The following PMM2 variants were observed in gnomAD, a reference collection of about 807,000 sequenced individuals.
PMM2 encodes mannose-6-phosphate isomerase.
In PMM2, 35 loss-of-function variants were observed where a neutral mutation model predicts 33.2. The ratio of observed to expected loss-of-function variants is 1.06; its 90% confidence interval spans 0.81 to 1.40. PMM2 has a LOEUF of 1.40. PMM2 is among the 40% of genes most tolerant of loss of function. The probability of loss-of-function intolerance (pLI) is 0.00; values close to 1 mark genes in which losing one functional copy is unlikely to be tolerated. For missense variants in PMM2, 386 were observed against 306.0 expected (o/e 1.26, Z -1.95); for synonymous variants, 153 against 114.7 (o/e 1.33, Z -2.13).
At position 8,797,847 on chromosome 16, in the gene PMM2, A is replaced by G. The variant is rs1486423074; in HGVS notation, c.-36A>G. The stretch of plus-strand genomic sequence containing the variant: ...AGTTCCGGGCCGAGTTCCTCGTGCC[A>G]ACGTGTCTTGTAAGGTGCGGCTAGA... On this transcript the variant is annotated 5_prime_UTR_variant, in exon 1 of 8. Transcript: ENST00000268261. 2 of 1,605,706 alleles carry G rather than the reference A, an allele frequency of 1.2e-6. No homozygotes were observed. The highest frequency in any genetic ancestry group is 1.7e-6 in the Non-Finnish European group (2 of 1,176,306).
At chr16:8,843,009 G>GC (rs1273526946) in intron 7 of PMM2, among the ~76,000 whole-genome samples, 20 of 152,150 alleles carry the variant, frequency 1.3e-4, no homozygotes, top group Non-Finnish European at 2.9e-5. Context: ...ATGAGATGCG[G>GC]CTGTAGTCCA....
chr16:8,836,092 C>G (rs1476910318), intron 7 of PMM2, among the ~76,000 whole-genome samples: 1 of 151,514 alleles, frequency 6.6e-6, no homozygotes, highest in Non-Finnish European at 1.5e-5. Context: ...GGTTTAGAAG[C>G]CTGGCCGTCA....
rs1255464127 is a variant in PMM2, at chr16:8,847,717, T to C, written c.640-7T>C. On this transcript the variant is annotated splice_region_variant and splice_polypyrimidine_tract_variant and intron_variant, in intron 7 of 7. Coordinates refer to ENST00000268261, the MANE Select transcript of PMM2 (RefSeq NM_000303.3). ...GGAGCCTTCATCTGTACTTCGTGTC[T>C]TTCCAGGGTGGCAATGACCATGAGA... 7 of 1,608,888 alleles carry C rather than the reference T, an allele frequency of 4.4e-6. No individual in the cohort carries two copies. The highest frequency in any genetic ancestry group is 5.1e-6 in the Non-Finnish European group (6 of 1,175,448).
chr16:8,832,672 C>T (rs1027017204), intron 7 of PMM2: 9 of 985,306 alleles, frequency 9.1e-6, no homozygotes, highest in African/African-American at 1.7e-5. Context: ...GTCCTCACCC[C>T]GCACCCGTTC....
intron 7 of PMM2, among the ~76,000 whole-genome samples, chr16:8,837,527 TG>T (rs1483888558): frequency 7.4e-6 from 1 of 136,034 alleles, no homozygotes; most frequent in Non-Finnish European, 1.6e-5. Context: ...GGAGAAGGGG[TG>T]GGGGGTTCTT....
chr16:8,811,488 C>T, intron 5 of PMM2, 150 bp from the exon 6 acceptor site: 3 of 682,430 alleles, frequency 4.4e-6, no homozygotes, highest in East Asian at 2.7e-5. Context: ...CCACTGCGCT[C>T]CAGCCTGGGC....
At chr16:8,845,484 G>T (rs1160377180) in intron 7 of PMM2, among the ~76,000 whole-genome samples, 1 of 152,196 alleles carries the variant, frequency 6.6e-6, no homozygotes, top group Non-Finnish European at 1.5e-5. Context: ...GGTGTGTTGT[G>T]TTAATGTGTG....
chr16:8,838,570 G>A (rs958793839), intron 7 of PMM2, among the ~76,000 whole-genome samples: 1 of 151,990 alleles, frequency 6.6e-6, no homozygotes, highest in African/African-American at 2.4e-5. Flanking sequence ...AAGCTGAAGG[G>A]AGGTCTTGTG....
Position 8,848,529 on chromosome 16 carries a change from T to C in PMM2, c.*704T>C, listed in dbSNP as rs1693384008. 6.5e-6 allele frequency: 1 copy of C among 152,786 alleles called. No individual in the cohort carries two copies. Among genetic ancestry groups the C allele is most frequent in the African/African-American group, 2.4e-5 (1 of 41,470 alleles). 9.5% of individuals were successfully genotyped at this position (152,786 alleles called of 1,614,324 possible). On this transcript the variant is annotated 3_prime_UTR_variant, in exon 8 of 8. Coordinates refer to ENST00000268261, the MANE Select transcript of PMM2 (RefSeq NM_000303.3). Reference sequence around the variant, plus strand: ...GGCTCTGTGTTCACTACACTCAGAATAGCCTGGCTGCTTCTCTGTCTCCGA... The same window carrying C: ...GGCTCTGTGTTCACTACACTCAGAACAGCCTGGCTGCTTCTCTGTCTCCGA...
chr16:8,832,851 G>A (rs1456791876), intron 7 of PMM2: 1 of 985,386 alleles, frequency 1.0e-6, no homozygotes, highest in Non-Finnish European at 1.2e-6. Flanking sequence ...TGGCCACATG[G>A]CCTGTGCCCT....
In PMM2 at chr16:8,826,942, T is replaced by C. The variant is rs566375418; in HGVS notation, c.639+13836T>C. On this transcript the variant is annotated intron_variant, in intron 7 of 7. Coordinates refer to ENST00000268261, the MANE Select transcript of PMM2 (RefSeq NM_000303.3). The stretch of plus-strand genomic sequence containing the variant: ...GGACAAGAATTTACCATACAAGATC[T>C]TTTCTCATATAAATTTCTTTTTTTA... Among the ~76,000 whole-genome samples, 3 of 152,310 alleles carry C rather than the reference T, an allele frequency of 2.0e-5. No individual in the cohort carries two copies. The East Asian group carries it at 5.8e-4, about 29-fold the overall frequency.
chr16:8,808,468 C>G (rs1567159123), intron 4 of PMM2: 1 of 152,104 alleles, frequency 6.6e-6, no homozygotes, highest in African/African-American at 2.4e-5. Context: ...GTAGAAGAGA[C>G]CTGGTGAATC....
At chr16:8,837,147 AG>A in intron 7 of PMM2, among the ~76,000 whole-genome samples, 1 of 151,882 alleles carries the variant, frequency 6.6e-6, no homozygotes, top group Non-Finnish European at 1.5e-5. Flanking sequence ...GACAGGTGGG[AG>A]GGAAAGAAGG....
intron 7 of PMM2, among the ~76,000 whole-genome samples, chr16:8,821,947 G>A (rs1470484687): frequency 6.6e-6 from 1 of 152,234 alleles, no homozygotes; most frequent in Non-Finnish European, 1.5e-5. Flanking sequence ...CATTGGCCCT[G>A]TAACTGCCCA....
chr16:8,801,771 C>A, intron 1 of PMM2, 28 bp from the exon 2 acceptor site: 1 of 1,349,670 alleles, frequency 7.4e-7, no homozygotes, highest in Non-Finnish European at 1.1e-6. Context: ...TGGCTTATGA[C>A]TGTTGTATTT....
chr16:8,829,270 A>T (rs2060796148), intron 7 of PMM2: 1 of 152,272 alleles, frequency 6.6e-6, no homozygotes, highest in African/African-American at 2.4e-5. Context: ...CTGGTAAGAA[A>T]TGTTTACCCT....
chr16:8,847,847 G>A lies in PMM2; in HGVS notation c.*22G>A, dbSNP rs1338562581. 14 of 1,578,956 alleles carry A rather than the reference G, an allele frequency of 8.9e-6. No homozygotes were observed. Among genetic ancestry groups the A allele is most frequent in the Non-Finnish European group, 1.2e-5 (14 of 1,150,760 alleles). ...CTAACGTGGGAGCGGGAGGGGCGGG[G>A]TCCCGGCTGACAAGCCAGCATAGGG... is the stretch of plus-strand genomic sequence containing the variant. On this transcript the variant is annotated 3_prime_UTR_variant, in exon 8 of 8. Coordinates refer to ENST00000268261, the MANE Select transcript of PMM2 (RefSeq NM_000303.3).
chr16:8,843,247 C>T (rs1390577296), intron 7 of PMM2, among the ~76,000 whole-genome samples: 3 of 152,026 alleles, frequency 2.0e-5, no homozygotes, highest in East Asian at 3.9e-4. Flanking sequence ...GGGTAGTCCC[C>T]GTTTCGATTA....
intron 4 of PMM2, 133 bp downstream of exon 4, chr16:8,806,540 C>T (rs1251088292): frequency 2.8e-6 from 2 of 711,200 alleles, no homozygotes; most frequent in Non-Finnish European, 5.0e-6. Flanking sequence ...TGATATTTAG[C>T]CCGCCCCTTG....
Sources: gnomAD v4.1 joint callset for allele counts (sites outside exome capture counted in the v4.1 genomes callset) on GRCh38, gnomAD v4.1.1 for gene constraint, MANE v1.5 for transcripts, NCBI Gene and HGNC (gene_info 2026-07-23, HGNC 2026-07-21) for gene names.